SERPINA12: variants seen among roughly 807,000 people sequenced by gnomAD.
SERPINA12 encodes serpin A12.
Under a neutral mutation model 25.9 loss-of-function variants are expected in SERPINA12, and 21 were observed. The observed-to-expected ratio is 0.81, with a 90% CI of 0.58 to 1.17. The LOEUF (loss-of-function observed/expected upper bound fraction) is 1.17. Ranked by LOEUF, SERPINA12 falls within the 50% of genes most tolerant of loss-of-function variation. SERPINA12 has a pLI of 0.00. For synonymous variants in SERPINA12, 220 were observed against 196.0 expected, an observed-to-expected ratio of 1.12 and a Z score of -1.02; for missense variants, 562 against 508.3, an observed-to-expected ratio of 1.11 and a Z score of -1.02.
intron 3 of SERPINA12, among the ~76,000 whole-genome samples, chr14:94,490,474 T>A (rs1232092260): frequency 6.6e-6 from 1 of 151,934 alleles, no homozygotes. Flanking sequence ...GCACCCTATT[T>A]TCCCACCTAC....
At chr14:94,495,130 G>C (rs1387406095) in intron 3 of SERPINA12, among the ~76,000 whole-genome samples, 1 of 144,002 alleles carries the variant, frequency 6.9e-6, no homozygotes, top group East Asian at 2.0e-4. Flanking sequence ...GTGCAGTGGC[G>C]GGATCTCGGC....
intron 2 of SERPINA12, among the ~76,000 whole-genome samples, chr14:94,514,512 G>A (rs1007827868): frequency 6.6e-6 from 1 of 150,816 alleles, no homozygotes; most frequent in African/African-American, 2.4e-5. Context: ...CAAGAAGTGG[G>A]CAAACTGAGC....
chr14:94,493,302 T>G (rs1225842721), intron 3 of SERPINA12, among the ~76,000 whole-genome samples: 1 of 152,192 alleles, frequency 6.6e-6, no homozygotes, highest in Non-Finnish European at 1.5e-5. Flanking sequence ...AAGCCCCCTG[T>G]CCTGCAAGAG....
intron 1 of SERPINA12, among the ~76,000 whole-genome samples, chr14:94,506,054 C>T (rs562661082): frequency 2.6e-5 from 4 of 152,264 alleles, no homozygotes; most frequent in South Asian, 2.1e-4. Context: ...GAGGCTGCCC[C>T]GACTGCCTGT....
At chr14:94,496,250 C>T in intron 3 of SERPINA12, 123 bp downstream of exon 3, 2 of 924,570 alleles carry the variant, frequency 2.2e-6, no homozygotes, top group Non-Finnish European at 3.3e-6. Context: ...TAATTCTCAC[C>T]ATGATATAAG....
chr14:94,503,240 G>T (rs1300120821), intron 1 of SERPINA12: 1 of 984,766 alleles, frequency 1.0e-6, no homozygotes, highest in African/African-American at 1.7e-5. Flanking sequence ...AGTAAGAGAA[G>T]CCCCATAAAC....
At chr14:94,508,514 A>G (rs919238186) in intron 1 of SERPINA12, among the ~76,000 whole-genome samples, 7 of 152,226 alleles carry the variant, frequency 4.6e-5, no homozygotes, top group African/African-American at 1.7e-4. Flanking sequence ...AAACAAACAA[A>G]TCATTTCAAA....
At chr14:94,493,189 A>G (rs376795003) in intron 3 of SERPINA12, among the ~76,000 whole-genome samples, 5 of 152,190 alleles carry the variant, frequency 3.3e-5, no homozygotes, top group East Asian at 1.9e-4. Flanking sequence ...CTGTAGATCA[A>G]AGCAACTTGA....
chr14:94,505,694 A>T (rs540133146), intron 1 of SERPINA12, among the ~76,000 whole-genome samples: 1 of 152,308 alleles, frequency 6.6e-6, no homozygotes, highest in Non-Finnish European at 1.5e-5. Flanking sequence ...GGCCTGTGTG[A>T]GTCTGAGGGC....
At chr14:94,495,316 C>T (rs1900369272) in intron 3 of SERPINA12, among the ~76,000 whole-genome samples, 1 of 151,998 alleles carries the variant, frequency 6.6e-6, no homozygotes, top group African/African-American at 2.4e-5. Flanking sequence ...GATCCGCCCG[C>T]CTCGGCCTCC....
intron 4 of SERPINA12, among the ~76,000 whole-genome samples, chr14:94,489,373 C>T (rs542661230): frequency 6.6e-6 from 1 of 152,328 alleles, no homozygotes; most frequent in East Asian, 1.9e-4. Flanking sequence ...AGGCCTTGAT[C>T]AACGTTTGCT....
intron 1 of SERPINA12, among the ~76,000 whole-genome samples, chr14:94,506,860 C>A (rs1288070909): frequency 6.6e-6 from 1 of 152,194 alleles, no homozygotes; most frequent in Non-Finnish European, 1.5e-5. Context: ...AAGTGATTCC[C>A]ACCTGATGAT....
chr14:94,503,799 C>T (rs184108838), intron 1 of SERPINA12, among the ~76,000 whole-genome samples: 1 of 152,334 alleles, frequency 6.6e-6, no homozygotes, highest in African/African-American at 2.4e-5. Context: ...TCACAAACAG[C>T]TCACACACAA....
upstream of SERPINA12, chr14:94,510,361 T>C (rs2139865522): frequency 1.6e-6 from 1 of 621,726 alleles, no homozygotes; most frequent in East Asian, 1.4e-4. Context: ...TCAACATTAC[T>C]AACCATCAGG....
At chr14:94,497,716 T>A in intron 2 of SERPINA12, 48 bp downstream of exon 2, 1 of 1,536,474 alleles carries the variant, frequency 6.5e-7, no homozygotes, top group Non-Finnish European at 8.7e-7. Context: ...TTAACCCAAG[T>A]CTAGTGGTCA....
Position 94,495,587 on chromosome 14 carries a change from T to C in SERPINA12, c.905+786A>G, listed in dbSNP as rs369029129. 3.0e-4 allele frequency among the ~76,000 whole-genome samples: 46 copies of C among 152,286 alleles called. 2 individuals are homozygous for C. In the South Asian group the frequency reaches 9.3e-3, roughly 31 times the overall value. On this transcript the variant is annotated intron_variant, in intron 3 of 4. Coordinates refer to ENST00000677451, the MANE Select transcript of SERPINA12 (RefSeq NM_001382267.1). ...CAGAGGTTCTTAGTAAATACCTTTA[T>C]GGAGATGCATGGGGAATGATGACAG...
intron 4 of SERPINA12, 131 bp downstream of exon 4, chr14:94,489,489 G>A: frequency 8.9e-6 from 9 of 1,011,534 alleles, no homozygotes; most frequent in Non-Finnish European, 1.3e-5. Flanking sequence ...AAGGGGCACA[G>A]CTGCATTCAT....
intron 3 of SERPINA12, among the ~76,000 whole-genome samples, chr14:94,494,307 G>A (rs990049455): frequency 3.3e-5 from 5 of 152,198 alleles, no homozygotes; most frequent in Admixed American, 1.3e-4. Context: ...CTTTGGGGAT[G>A]TCCCCATGTT....
intron 2 of SERPINA12, among the ~76,000 whole-genome samples, chr14:94,514,943 A>G (rs2139868883): frequency 6.6e-6 from 1 of 152,322 alleles, no homozygotes; most frequent in South Asian, 2.1e-4. Context: ...GGCAGAGGCC[A>G]ACTTCCACGG....
Sources: gnomAD v4.1 joint callset for allele counts (sites outside exome capture counted in the v4.1 genomes callset) on GRCh38, gnomAD v4.1.1 for gene constraint, MANE v1.5 for transcripts, NCBI Gene and HGNC (gene_info 2026-07-23, HGNC 2026-07-21) for gene names.